The following DSCAM variants were observed in gnomAD, a reference collection of about 807,000 sequenced individuals.
The protein encoded by DSCAM is DS cell adhesion molecule.
In DSCAM, 47 loss-of-function variants were observed where a neutral mutation model predicts 217.7. The observed-to-expected ratio is 0.22, with a 90% CI of 0.17 to 0.28. The LOEUF (loss-of-function observed/expected upper bound fraction) is 0.28. Ranked by LOEUF, DSCAM falls within the 10% of genes least tolerant of loss-of-function variation. DSCAM has a pLI of 1.00. For synonymous variants in DSCAM, 1,056 were observed against 1,015.3 expected (o/e 1.04, Z -0.76); for missense variants, 2,080 against 2,618.3 (o/e 0.79, Z 4.49).
chr21:40,782,796 G>C lies in DSCAM; in HGVS notation c.43+63823C>G, dbSNP rs140264213. Among the ~76,000 whole-genome samples the C allele has an allele frequency of 4.3e-3, 656 of 152,260 alleles. 5 individuals are homozygous for C. Among genetic ancestry groups the C allele is most frequent in the African/African-American group, 0.015 (605 of 41,540 alleles). ...CTGCTTTGTACATAGCTGGGATTCAGTCTGTACTTATTAAATAAATAAGTG... is the reference window on the plus strand; with the variant it reads ...CTGCTTTGTACATAGCTGGGATTCACTCTGTACTTATTAAATAAATAAGTG... On this transcript the variant is annotated intron_variant, in intron 1 of 32. Coordinates refer to ENST00000400454, the MANE Select transcript of DSCAM (RefSeq NM_001389.5).
chr21:40,081,950 C>A (rs1601311739), intron 24 of DSCAM, among the ~76,000 whole-genome samples: 1 of 152,210 alleles, frequency 6.6e-6, no homozygotes, highest in African/African-American at 2.4e-5. Flanking sequence ...AGAATCCAAG[C>A]CTCATTTCAT....
intron 1 of DSCAM, among the ~76,000 whole-genome samples, chr21:40,769,936 T>C (rs1255215665): frequency 1.3e-5 from 2 of 152,204 alleles, no homozygotes; most frequent in Admixed American, 1.3e-4. Flanking sequence ...CCTCACTACC[T>C]GGCTATAAAC....
chr21:40,047,113 C>T (rs2837386), intron 30 of DSCAM, among the ~76,000 whole-genome samples: 3 of 109,766 alleles, frequency 2.7e-5, no homozygotes, highest in Non-Finnish European at 5.6e-5. Flanking sequence ...GCCCTCAGTT[C>T]TGTACTGCGC....
chr21:40,231,479 ATTTTCAGT>A (rs1299403723), intron 11 of DSCAM, among the ~76,000 whole-genome samples: 1 of 150,922 alleles, frequency 6.6e-6, no homozygotes, highest in Non-Finnish European at 1.5e-5. Context: ...AAACTTGTTG[ATTTTCAGT>A]TTTTCCAGGC....
chr21:40,473,039 T>C (rs890709113), intron 3 of DSCAM, among the ~76,000 whole-genome samples: 4 of 152,142 alleles, frequency 2.6e-5, no homozygotes, highest in Non-Finnish European at 5.9e-5. Flanking sequence ...CACGGATTTA[T>C]TTGAGGAGAA....
intron 1 of DSCAM, among the ~76,000 whole-genome samples, chr21:40,783,437 ACGTGTGTGTG>A (rs886409201): frequency 3.3e-5 from 5 of 152,098 alleles, no homozygotes; most frequent in African/African-American, 7.2e-5. Flanking sequence ...ATGTGTGTGT[ACGTGTGTGTG>A]CGTGTGTGTG....
At chr21:40,758,528 A>AAAC (rs1481181355) in intron 1 of DSCAM, among the ~76,000 whole-genome samples, 1 of 151,652 alleles carries the variant, frequency 6.6e-6, no homozygotes, top group South Asian at 2.1e-4. Flanking sequence ...AAAAAAAAAA[A>AAAC]AAAAAGACCT....
chr21:40,728,215 T>G (rs1452749403), intron 1 of DSCAM, among the ~76,000 whole-genome samples: 1 of 152,184 alleles, frequency 6.6e-6, no homozygotes, highest in Non-Finnish European at 1.5e-5. Context: ...CCTAAAATTT[T>G]GGTCCCTAAA....
chr21:40,296,263 A>C, intron 9 of DSCAM, 89 bp from the exon 10 acceptor site: 1 of 1,397,800 alleles, frequency 7.2e-7, no homozygotes, highest in Non-Finnish European at 9.9e-7. Context: ...ATTTTAATGA[A>C]TATTAAAATA....
chr21:40,211,062 A>G (rs1040199527), intron 11 of DSCAM, among the ~76,000 whole-genome samples: 5 of 152,332 alleles, frequency 3.3e-5, no homozygotes, highest in Non-Finnish European at 5.9e-5. Flanking sequence ...ACTAGTATCC[A>G]CTAAGGTATT....
intron 1 of DSCAM, among the ~76,000 whole-genome samples, chr21:40,719,260 T>A (rs1164220421): frequency 2.6e-5 from 4 of 152,122 alleles, no homozygotes; most frequent in African/African-American, 9.7e-5. Context: ...TACAGTGGGG[T>A]ACTACTACAC....
chr21:40,410,446 T>C (rs56342251), intron 3 of DSCAM, among the ~76,000 whole-genome samples: 8,901 of 151,474 alleles, frequency 0.059, 503 homozygotes, highest in Admixed American at 0.17. Flanking sequence ...AAAGAAGAGA[T>C]AGAACAGAAA....
At chr21:40,253,312 T>C (rs1407419984) in intron 11 of DSCAM, among the ~76,000 whole-genome samples, 1 of 152,220 alleles carries the variant, frequency 6.6e-6, no homozygotes, top group Non-Finnish European at 1.5e-5. Flanking sequence ...GGAAATTCCC[T>C]GCCAAATAAA....
intron 3 of DSCAM, among the ~76,000 whole-genome samples, chr21:40,481,712 C>A (rs2075984421): frequency 6.6e-6 from 1 of 152,052 alleles, no homozygotes; most frequent in Admixed American, 6.5e-5. Flanking sequence ...AAAGCCAGAA[C>A]TATATTCAAC....
chr21:40,130,980 TTC>T (rs1568956898), intron 19 of DSCAM, among the ~76,000 whole-genome samples: 1 of 152,222 alleles, frequency 6.6e-6, no homozygotes, highest in East Asian at 1.9e-4. Flanking sequence ...GTAGCTATCT[TTC>T]TTCGCTTGCA....
intron 11 of DSCAM, among the ~76,000 whole-genome samples, chr21:40,275,728 C>T (rs1227623665): frequency 6.6e-6 from 1 of 152,106 alleles, no homozygotes; most frequent in East Asian, 1.9e-4. Flanking sequence ...ACATCTGAGA[C>T]CATGTATTGA....
chr21:40,302,862 G>C (rs955151628), intron 9 of DSCAM, among the ~76,000 whole-genome samples: 1 of 152,114 alleles, frequency 6.6e-6, no homozygotes, highest in Non-Finnish European at 1.5e-5. Flanking sequence ...GTGTGTTGGT[G>C]GGGGGTGGAT....
At chr21:40,549,786 T>G (rs2146153249) in intron 3 of DSCAM, among the ~76,000 whole-genome samples, 1 of 152,238 alleles carries the variant, frequency 6.6e-6, no homozygotes, top group South Asian at 2.1e-4. Context: ...AGGGCTGTGG[T>G]GAAATGGTGG....
In DSCAM at chr21:40,368,560, C is replaced by A. The variant is rs548385279; in HGVS notation, c.655+539G>T. 5.3e-5 allele frequency among the ~76,000 whole-genome samples: 8 copies of A among 152,316 alleles called. No individual in the cohort carries two copies. The South Asian group carries it at 1.7e-3, about 32-fold the overall frequency. On this transcript the variant is annotated intron_variant, in intron 4 of 32. Coordinates refer to ENST00000400454, the MANE Select transcript of DSCAM (RefSeq NM_001389.5). ...CAAGGACAAAAAGTGGGTGCTCAGG[C>A]AGTGATGTTTTAAATTATTCCAATG... is the stretch of plus-strand genomic sequence containing the variant.
Sources: allele counts gnomAD v4.1 joint callset (sites outside exome capture counted in the v4.1 genomes callset), GRCh38; gene constraint gnomAD v4.1.1; transcripts MANE v1.5; gene names NCBI Gene and HGNC (gene_info 2026-07-23, HGNC 2026-07-21).